TRHDE: variants seen among roughly 807,000 people sequenced by gnomAD.
TRHDE encodes thyrotropin releasing hormone degrading enzyme, also known as thyrotropin-releasing hormone-degrading ectoenzyme.
Under a neutral mutation model 125.7 loss-of-function variants are expected in TRHDE, and 72 were observed. That is an observed-to-expected ratio of 0.57 (90% CI 0.47 to 0.70). TRHDE has a LOEUF of 0.70. Among genes scored for constraint, TRHDE ranks in the 30% least tolerant of loss-of-function variants. The pLI is 0.00. For missense variants in TRHDE, 1,110 were observed against 1,327.1 expected, an observed-to-expected ratio of 0.84 and a Z score of 2.54; for synonymous variants, 509 against 509.1, an observed-to-expected ratio of 1.00 and a Z score of 0.00.
At chr12:72,203,922 C>T (rs1396910957) in intron 2 of TRHDE, among the ~76,000 whole-genome samples, 2 of 152,166 alleles carry the variant, frequency 1.3e-5, no homozygotes, top group Non-Finnish European at 2.9e-5. Context: ...GACCCATCCC[C>T]GCTTTCCCAA....
At chr12:72,190,388 G>A (rs925070719) in intron 2 of TRHDE, among the ~76,000 whole-genome samples, 9 of 152,152 alleles carry the variant, frequency 5.9e-5, no homozygotes, top group African/African-American at 2.2e-4. Context: ...CCAGGGAGGA[G>A]GTGTGCCTAG....
At chr12:72,530,420 T>TTTG (rs1868486168) in intron 6 of TRHDE, among the ~76,000 whole-genome samples, 1 of 143,502 alleles carries the variant, frequency 7.0e-6, no homozygotes, top group Admixed American at 6.8e-5. Context: ...TAGAAGCTTT[T>TTTG]TTTTTTTTTT....
In TRHDE at chr12:72,583,923, C is replaced by CTTTTTT. The variant is rs1190363456; in HGVS notation, c.2321+8403_2321+8408dup. ...GCTTGTGGCTCTAAAGGATGACAAA[C>CTTTTTT]TTTTTTTTTTTTTTTTTTTTTTTTT... is the stretch of plus-strand genomic sequence containing the variant. On this transcript the variant is annotated intron_variant, in intron 12 of 18. Coordinates refer to ENST00000261180, the MANE Select transcript of TRHDE (RefSeq NM_013381.3). Among the ~76,000 whole-genome samples, 11 of 60,462 alleles carry CTTTTTT rather than the reference C, an allele frequency of 1.8e-4. 1 individual carries two copies. Among genetic ancestry groups the CTTTTTT allele is most frequent in the African/African-American group, 3.8e-4 (3 of 7,974 alleles). 39.7% of individuals were successfully genotyped at this position (60,462 alleles called of 152,430 possible).
At chr12:72,604,715 C>T (rs1291613226) in intron 12 of TRHDE, among the ~76,000 whole-genome samples, 2 of 151,980 alleles carry the variant, frequency 1.3e-5, no homozygotes, top group African/African-American at 4.8e-5. Context: ...TTAACTAGCA[C>T]TTTTCTGCTG....
intron 2 of TRHDE, among the ~76,000 whole-genome samples, chr12:72,124,544 T>G (rs1379623640): frequency 2.6e-5 from 4 of 152,152 alleles, no homozygotes; most frequent in African/African-American, 9.7e-5. Context: ...CTCAGTGAGA[T>G]CTAAACGTAA....
chr12:72,293,069 A>G (rs1004133910), intron 2 of TRHDE, among the ~76,000 whole-genome samples: 1 of 152,050 alleles, frequency 6.6e-6, no homozygotes, highest in Non-Finnish European at 1.5e-5. Context: ...AAATGATTTT[A>G]TTTGATGTTG....
intron 3 of TRHDE, among the ~76,000 whole-genome samples, chr12:72,455,099 A>G (rs911887664): frequency 6.6e-5 from 10 of 152,142 alleles, no homozygotes; most frequent in African/African-American, 2.4e-4. Context: ...GAAGGGAGAG[A>G]TGACTGTTTA....
intron 6 of TRHDE, among the ~76,000 whole-genome samples, chr12:72,525,028 T>A (rs1288806713): frequency 1.3e-5 from 2 of 152,118 alleles, no homozygotes; most frequent in Admixed American, 1.3e-4. Flanking sequence ...TAATTTTCCA[T>A]GGAATCTTTT....
At chr12:72,610,879 C>G (rs905001319) in intron 12 of TRHDE, 1 of 152,140 alleles carries the variant, frequency 6.6e-6, no homozygotes, top group African/African-American at 2.4e-5. Flanking sequence ...TGGAGCATGC[C>G]CAAAAGAAGA....
chr12:72,293,098 A>T (rs1374378551), intron 2 of TRHDE, among the ~76,000 whole-genome samples: 1 of 152,172 alleles, frequency 6.6e-6, no homozygotes, highest in African/African-American at 2.4e-5. Flanking sequence ...ATGGAACCTC[A>T]GCTGGGGCTG....
At chr12:72,146,480 T>C (rs1424753398) in intron 2 of TRHDE, among the ~76,000 whole-genome samples, 2 of 152,236 alleles carry the variant, frequency 1.3e-5, no homozygotes, top group African/African-American at 4.8e-5. Context: ...GATATGAATA[T>C]ATTTAAGATT....
At position 72,088,602 on chromosome 12, in the gene TRHDE, C is replaced by T. The variant is rs73346884; in HGVS notation, n.174+1163C>T. 1.6e-3 allele frequency among the ~76,000 whole-genome samples: 243 copies of T among 151,934 alleles called. 2 individuals are homozygous for T. The highest frequency in any genetic ancestry group is 5.4e-3 in the African/African-American group (223 of 41,334). ...TCAGCAGCATAACTTTGCTGCGCCT[C>T]GGTTCTCTCATCTGTAAAATGGAAA... On this transcript the variant is annotated intron_variant and non_coding_transcript_variant, in intron 1 of 4. Coordinates refer to the TRHDE transcript ENST00000548156.
At chr12:72,647,270 A>G (rs964530954) in intron 15 of TRHDE, among the ~76,000 whole-genome samples, 14 of 152,086 alleles carry the variant, frequency 9.2e-5, no homozygotes, top group Non-Finnish European at 1.8e-4. Flanking sequence ...ACATCAAGAC[A>G]AAAATGAAAG....
At chr12:72,518,440 C>T (rs923963875) in intron 6 of TRHDE, among the ~76,000 whole-genome samples, 2 of 151,848 alleles carry the variant, frequency 1.3e-5, no homozygotes, top group African/African-American at 4.8e-5. Flanking sequence ...GGTTTAAAGT[C>T]TGTTTTATCA....
chr12:72,344,038 G>A (rs1870202488), intron 2 of TRHDE, among the ~76,000 whole-genome samples: 1 of 151,804 alleles, frequency 6.6e-6, no homozygotes, highest in Non-Finnish European at 1.5e-5. Context: ...TTCAGGACAA[G>A]ATTTCATGAA....
chr12:72,584,340 T>C (rs888295184), intron 12 of TRHDE, among the ~76,000 whole-genome samples: 4 of 152,178 alleles, frequency 2.6e-5, no homozygotes, highest in Non-Finnish European at 5.9e-5. Context: ...AGTATATGTA[T>C]GTTGTGAAAT....
intron 12 of TRHDE, among the ~76,000 whole-genome samples, chr12:72,590,074 T>C (rs1486028279): frequency 6.6e-6 from 1 of 152,038 alleles, no homozygotes; most frequent in Non-Finnish European, 1.5e-5. Context: ...ATTTTATATA[T>C]GGTATCATTC....
At chr12:72,620,843 T>TAA (rs1873023980) in intron 13 of TRHDE, among the ~76,000 whole-genome samples, 1 of 152,158 alleles carries the variant, frequency 6.6e-6, no homozygotes, top group Non-Finnish European at 1.5e-5. Context: ...AGTCATCATC[T>TAA]AAAATATTTA....
chr12:72,512,423 ATATAT>A (rs1878620846), intron 6 of TRHDE, among the ~76,000 whole-genome samples: 2 of 108,704 alleles, frequency 1.8e-5, no homozygotes, highest in African/African-American at 5.1e-5. Context: ...ACTATATAAT[ATATAT>A]TATATAATAT....
Sources: gnomAD v4.1 joint callset for allele counts (sites outside exome capture counted in the v4.1 genomes callset) on GRCh38, gnomAD v4.1.1 for gene constraint, MANE v1.5 for transcripts, NCBI Gene and HGNC (gene_info 2026-07-23, HGNC 2026-07-21) for gene names.